LY75: variants seen among roughly 807,000 people sequenced by gnomAD.
The protein encoded by LY75 is lymphocyte antigen 75, also known as C-type lectin domain family 13 member B.
Under a neutral mutation model 231.7 loss-of-function variants are expected in LY75, and 185 were observed. That is an observed-to-expected ratio of 0.80 (90% CI 0.71 to 0.90). LY75 has a LOEUF of 0.90. LY75 is among the 40% of genes least tolerant of loss of function. LY75 has a pLI of 0.00. For synonymous variants in LY75, 668 were observed against 689.0 expected, an observed-to-expected ratio of 0.97 and a Z score of 0.48; for missense variants, 1,947 against 2,050.2, an observed-to-expected ratio of 0.95 and a Z score of 0.97.
At position 159,886,658 on chromosome 2, in the gene LY75, C is replaced by A. The variant is rs1346996922; in HGVS notation, c.803-128G>T. On this transcript the variant is annotated intron_variant, in intron 4 of 34. Transcript: ENST00000263636. ...GTAAGGCAGCAATCCCTGTAGAGGGCTGTTTATGCATCAAAGGTAGGCAAT... is the reference window on the plus strand; with the variant it reads ...GTAAGGCAGCAATCCCTGTAGAGGGATGTTTATGCATCAAAGGTAGGCAAT... The A allele has an allele frequency of 2.6e-5, 23 of 875,846 alleles. No individual in the cohort carries two copies. The East Asian group carries it at 6.0e-4, about 23-fold the overall frequency. 54.3% of individuals were successfully genotyped at this position (875,846 alleles called of 1,614,324 possible). A position where few individuals can be genotyped will look rare whatever the true frequency, so the allele number is the denominator to read the frequency against.
intron 8 of LY75, 138 bp from the exon 9 acceptor site, chr2:159,879,507 C>A: frequency 8.0e-7 from 1 of 1,249,104 alleles, no homozygotes; most frequent in South Asian, 1.4e-5. Flanking sequence ...GAACACACTC[C>A]TAGAAAATGC....
chr2:159,846,629 C>T (rs72955736), intron 23 of LY75, among the ~76,000 whole-genome samples: 37,624 of 151,764 alleles, frequency 0.25, 6,198 homozygotes, highest in Non-Finnish European at 0.37. Context: ...CTAAAAGCAA[C>T]AGAGGAAAAA....
At chr2:159,881,981 G>T in intron 7 of LY75, 143 bp downstream of exon 7, 1 of 1,013,880 alleles carries the variant, frequency 9.9e-7, no homozygotes, top group Non-Finnish European at 1.4e-6. Context: ...TTGTAGAACA[G>T]TTCCATCACC....
chr2:159,872,421 G>A, intron 13 of LY75, 30 bp downstream of exon 13: 1 of 1,608,148 alleles, frequency 6.2e-7, no homozygotes, highest in East Asian at 2.2e-5. Flanking sequence ...ATCAAATTCA[G>A]CATAGAAATT....
At chr2:159,883,871 T>C (rs1478662161) in intron 6 of LY75, among the ~76,000 whole-genome samples, 1 of 152,208 alleles carries the variant, frequency 6.6e-6, no homozygotes, top group Non-Finnish European at 1.5e-5. Context: ...CCTTTTTAGA[T>C]GACAAGACAT....
At chr2:159,867,068 C>G (rs12692569) in intron 13 of LY75, among the ~76,000 whole-genome samples, 66,870 of 151,904 alleles carry the variant, frequency 0.44, 15,452 homozygotes, top group South Asian at 0.75. Context: ...CAGCTTCCTA[C>G]AGAAAAGAGT....
intron 12 of LY75, among the ~76,000 whole-genome samples, chr2:159,874,101 ATATAAACGTATATATATTTTGTAAAT>A (rs1685105730): frequency 3.6e-5 from 5 of 139,526 alleles, no homozygotes; most frequent in Non-Finnish European, 6.1e-5. Flanking sequence ...TTTTGTAAAT[ATATAAACGTATATATATTTTGTAAAT>A]ATATAAACGT....
At chr2:159,870,527 C>A (rs1279421456) in intron 13 of LY75, among the ~76,000 whole-genome samples, 1 of 152,142 alleles carries the variant, frequency 6.6e-6, no homozygotes, top group South Asian at 2.1e-4. Flanking sequence ...TTTTTACAGA[C>A]AGCATCTCAC....
At position 159,882,168 on chromosome 2, in the gene LY75, G is replaced by T; in HGVS notation, c.1202C>A (p.Ser401Tyr). The T allele has an allele frequency of 6.2e-7, 1 of 1,613,796 alleles. No individual in the cohort carries two copies. The highest frequency in any genetic ancestry group is 8.5e-7 in the Non-Finnish European group (1 of 1,179,858). The change falls in exon 7 of 35, where the codon TCT becomes TAT. Residue 401 changes from serine to tyrosine, a missense_variant. By Grantham distance (144) the Ser-to-Tyr change is moderately radical. Transcript: ENST00000263636. ...GACAACCACCTCCACATCTGCTAGA[G>T]AATGAATGCTGATTAGGTCACTACT... is the stretch of plus-strand genomic sequence containing the variant. ...AFSSDLISIH[S>Y]LADVEVVVTK...
chr2:159,882,320 G>T lies in LY75; in HGVS notation c.1055-5C>A. 6.2e-7 allele frequency: 1 copy of T among 1,611,574 alleles called. No individual in the cohort carries two copies. The highest frequency in any genetic ancestry group is 2.2e-5 in the East Asian group (1 of 44,852). ...TATCTGAGTATGTCCAGACATCTGG[G>T]GGAAAAGCAGCTATTTATATTCCAG... On this transcript the variant is annotated splice_polypyrimidine_tract_variant and splice_region_variant and intron_variant, in intron 6 of 34. Transcript: ENST00000263636.
At chr2:159,855,092 T>G (rs1192114730) in intron 16 of LY75, 153 bp from the exon 17 acceptor site, 1 of 459,664 alleles carries the variant, frequency 2.2e-6, no homozygotes, top group African/African-American at 2.1e-5. Context: ...TCACTTTAGT[T>G]GTATTTTGTA....
At chr2:159,867,556 G>A (rs75085565) in intron 13 of LY75, among the ~76,000 whole-genome samples, 1,692 of 152,260 alleles carry the variant, frequency 0.011, 20 homozygotes, top group African/African-American at 0.038. Context: ...AAGAGATAGC[G>A]TAAAAGGTTA....
At chr2:159,872,387 G>A in intron 13 of LY75, 64 bp downstream of exon 13, 1 of 1,564,772 alleles carries the variant, frequency 6.4e-7, no homozygotes, top group Non-Finnish European at 8.7e-7. Flanking sequence ...GTAAGAACAT[G>A]TCAATTTTGA....
chr2:159,809,811 G>A (rs979305161), intron 32 of LY75, among the ~76,000 whole-genome samples: 3 of 151,688 alleles, frequency 2.0e-5, no homozygotes, highest in African/African-American at 4.8e-5. Context: ...CCAAGTAGCT[G>A]GGATTACAGG....
chr2:159,812,671 C>A (rs139413037), intron 31 of LY75, among the ~76,000 whole-genome samples: 92 of 152,254 alleles, frequency 6.0e-4, no homozygotes, highest in East Asian at 5.8e-3. Context: ...TCTCAGCCCC[C>A]CAAAGTGCTG....
chr2:159,850,799 T>TATATATATATATATATATATATATAAAAA (rs1491206351), intron 21 of LY75, among the ~76,000 whole-genome samples: 1 of 105,382 alleles, frequency 9.5e-6, no homozygotes, highest in Non-Finnish European at 1.9e-5. Flanking sequence ...TATATATATA[T>TATATATATATATATATATATATATAAAAA]TATATCTTAT....
intron 21 of LY75, among the ~76,000 whole-genome samples, chr2:159,850,834 T>C (rs1684381294): frequency 7.4e-6 from 1 of 134,714 alleles, no homozygotes; most frequent in South Asian, 2.2e-4. Context: ...TTGTATATTA[T>C]ATCTTTAATA....
intron 15 of LY75, among the ~76,000 whole-genome samples, chr2:159,859,390 T>C (rs1292838916): frequency 1.3e-5 from 2 of 152,228 alleles, no homozygotes; most frequent in African/African-American, 4.8e-5. Context: ...TTTCTTGGAC[T>C]ACAAATCAAA....
chr2:159,847,495 C>T (rs1210553468), intron 23 of LY75, among the ~76,000 whole-genome samples: 1 of 152,074 alleles, frequency 6.6e-6, no homozygotes, highest in African/African-American at 2.4e-5. Flanking sequence ...ACCATGCCCA[C>T]CCAGAACCAG....
Sources: allele counts gnomAD v4.1 joint callset (sites outside exome capture counted in the v4.1 genomes callset), GRCh38; gene constraint gnomAD v4.1.1; transcripts MANE v1.5; gene names NCBI Gene and HGNC (gene_info 2026-07-23, HGNC 2026-07-21).